Variants in ZNF536 observed in about 807,000 individuals in gnomAD.
ZNF536 encodes the protein zinc finger protein 536.
A neutral mutation model predicts 84.5 loss-of-function variants in ZNF536; 13 were observed. The ratio of observed to expected loss-of-function variants is 0.15; its 90% CI spans 0.10 to 0.24. The LOEUF (loss-of-function observed/expected upper bound fraction) is 0.24. ZNF536 is among the 10% of genes least tolerant of loss of function. ZNF536 has a pLI of 1.00. For synonymous variants in ZNF536, 811 were observed against 742.5 expected (o/e 1.09, Z -1.50); for missense variants, 1,536 against 1,747.5 (o/e 0.88, Z 2.16).
At chr19:30,233,328 GATA>G (rs2023220054) in intron 1 of ZNF536, among the ~76,000 whole-genome samples, 1 of 151,128 alleles carries the variant, frequency 6.6e-6, no homozygotes, top group Non-Finnish European at 1.5e-5. Flanking sequence ...TTGCTGGCAG[GATA>G]ATGATACCTT....
Position 30,259,978 on chromosome 19 carries a change from T to TCCTTGA in ZNF536, c.-189-24094_-189-24093insCCTTGA, listed in dbSNP as rs1316003603. 8.6e-5 allele frequency among the ~76,000 whole-genome samples: 13 copies of TCCTTGA among 151,190 alleles called. No homozygotes were observed. In the South Asian group the frequency reaches 2.7e-3, roughly 32 times the overall value. The stretch of plus-strand genomic sequence containing the variant: ...CGATGTTTCACCATCTTTGCCAGGC[T>TCCTTGA]GGTCTTGAACTCCTGACCTCAAGTG... On this transcript the variant is annotated intron_variant, in intron 1 of 5. Coordinates refer to the ZNF536 transcript ENST00000585628.
At chr19:30,637,361 T>C (rs1245789777) in intron 1 of ZNF536, among the ~76,000 whole-genome samples, 4 of 152,196 alleles carry the variant, frequency 2.6e-5, no homozygotes, top group African/African-American at 9.6e-5. Context: ...TCAACTGGGA[T>C]TGAAGTGAAG....
rs750913170 is a variant in ZNF536, at chr19:30,445,075, C to A, written c.1513C>A (p.Arg505=). 2.5e-6 allele frequency: 4 copies of A among 1,613,338 alleles called. No individual in the cohort carries two copies. In the East Asian group the frequency reaches 6.7e-5, roughly 27 times the overall value. ...VPPLKSSCIE[R]LQAAAKAAEM... ...GCCGCTGAAATCCAGCTGCATCGAG[C>A]GGCTGCAGGCGGCTGCCAAGGCTGC... Residue 505 remains arginine, a synonymous_variant, in exon 2 of 5, where the codon CGG becomes AGG. Coordinates refer to ENST00000355537, the MANE Select transcript of ZNF536 (RefSeq NM_014717.3). This position sits in a 1 kb window ranked among gnomAD's most constrained non-coding sequence, Gnocchi z 4.5.
intron 1 of ZNF536, among the ~76,000 whole-genome samples, chr19:30,633,353 T>G (rs1468829235): frequency 1.3e-5 from 2 of 152,256 alleles, no homozygotes; most frequent in African/African-American, 2.4e-5. Flanking sequence ...AAATACGACG[T>G]GGGAAGATTG....
At chr19:30,335,717 C>G (rs1373608781) in intron 2 of ZNF536, among the ~76,000 whole-genome samples, 1 of 152,204 alleles carries the variant, frequency 6.6e-6, no homozygotes, top group Non-Finnish European at 1.5e-5. Context: ...CTGATCTGCC[C>G]TTGTGCACGG....
chr19:30,425,040 G>T (rs562671668), intron 1 of ZNF536, among the ~76,000 whole-genome samples: 1 of 152,238 alleles, frequency 6.6e-6, no homozygotes, highest in South Asian at 2.1e-4. Context: ...AACAAAGATG[G>T]TGAGGACACA....
At chr19:30,325,687 G>T (rs1210804053) in intron 2 of ZNF536, among the ~76,000 whole-genome samples, 2 of 152,198 alleles carry the variant, frequency 1.3e-5, no homozygotes, top group Non-Finnish European at 2.9e-5. Context: ...GCCAAGTCTG[G>T]CATTGCGCAT....
In ZNF536 at chr19:30,707,545, G is replaced by A. The variant is rs2052292195; in HGVS notation, c.170-3212G>A. On this transcript the variant is annotated intron_variant, in intron 1 of 1. Coordinates refer to the ZNF536 transcript ENST00000592773. ...AGCTGTGCTCTTCCTCCTGTGGTTG[G>A]CTGTCAGGAAGGGCCAACAGCAAGT... is the stretch of plus-strand genomic sequence containing the variant. 3.9e-5 allele frequency among the ~76,000 whole-genome samples: 6 copies of A among 152,100 alleles called. No individual in the cohort carries two copies. In the South Asian group the frequency reaches 1.2e-3, roughly 32 times the overall value.
chr19:30,508,281 A>G (rs1257018151), intron 2 of ZNF536, among the ~76,000 whole-genome samples: 1 of 152,192 alleles, frequency 6.6e-6, no homozygotes, highest in Non-Finnish European at 1.5e-5. Flanking sequence ...AGGCATGGGG[A>G]CACCCTTGGG....
chr19:30,545,943 C>A (rs1022527323), intron 3 of ZNF536, among the ~76,000 whole-genome samples: 1 of 152,230 alleles, frequency 6.6e-6, no homozygotes. Context: ...CAGGCACCTG[C>A]GGGCCTCACC....
At chr19:30,587,480 T>C (rs2047134231) in intron 1 of ZNF536, among the ~76,000 whole-genome samples, 1 of 152,186 alleles carries the variant, frequency 6.6e-6, no homozygotes, top group South Asian at 2.1e-4. Flanking sequence ...GCCCTTGAAG[T>C]GCTCATCCCC....
intron 1 of ZNF536, among the ~76,000 whole-genome samples, chr19:30,576,962 TTTTA>T (rs1483280161): frequency 6.6e-6 from 1 of 152,198 alleles, no homozygotes; most frequent in African/African-American, 2.4e-5. Flanking sequence ...TTTTGCCTGG[TTTTA>T]TTTGTTTGGG....
chr19:30,578,042 G>A (rs1047267192), intron 1 of ZNF536, among the ~76,000 whole-genome samples: 5 of 152,196 alleles, frequency 3.3e-5, no homozygotes, highest in Non-Finnish European at 7.3e-5. Context: ...GCCGGCAACA[G>A]TGCGGCTTTT....
intron 2 of ZNF536, among the ~76,000 whole-genome samples, chr19:30,513,382 C>A (rs2055499350): frequency 6.6e-6 from 1 of 152,160 alleles, no homozygotes. Flanking sequence ...AACGACCCTG[C>A]AGGACAGCAG....
chr19:30,347,108 T>G (rs982148273), intron 2 of ZNF536, among the ~76,000 whole-genome samples: 4 of 76,034 alleles, frequency 5.3e-5, no homozygotes, highest in Non-Finnish European at 4.4e-5. Context: ...GTTGAAGGGC[T>G]TTTTTTTTTT....
At chr19:30,489,861 T>A (rs1599561554) in intron 2 of ZNF536, among the ~76,000 whole-genome samples, 1 of 152,208 alleles carries the variant, frequency 6.6e-6, no homozygotes, top group South Asian at 2.1e-4. Flanking sequence ...CTGAATAGAA[T>A]GTGAAAGTTT....
At chr19:30,266,556 T>C (rs1404386543) in intron 1 of ZNF536, among the ~76,000 whole-genome samples, 1 of 152,238 alleles carries the variant, frequency 6.6e-6, no homozygotes, top group Non-Finnish European at 1.5e-5. Flanking sequence ...TAAAAATATT[T>C]ATTTGAAATT....
chr19:30,339,022 T>TC (rs1307136028), intron 2 of ZNF536, among the ~76,000 whole-genome samples: 1 of 152,054 alleles, frequency 6.6e-6, no homozygotes, highest in Non-Finnish European at 1.5e-5. Flanking sequence ...CTTCCTTCCC[T>TC]CCCCCGGGCT....
chr19:30,691,531 A>G (rs1327889074), intron 1 of ZNF536, among the ~76,000 whole-genome samples: 1 of 152,200 alleles, frequency 6.6e-6, no homozygotes, highest in Non-Finnish European at 1.5e-5. Flanking sequence ...GGAAGGTTGT[A>G]TGCTAAATAA....
Sources: allele counts gnomAD v4.1 joint callset (sites outside exome capture counted in the v4.1 genomes callset), GRCh38; gene constraint gnomAD v4.1.1; non-coding constraint Gnocchi (gnomAD v3.1); transcripts MANE v1.5; gene names NCBI Gene and HGNC (gene_info 2026-07-23, HGNC 2026-07-21).